Variants in BAIAP3 observed in about 807,000 individuals in gnomAD.
BAIAP3 encodes the protein BAI1 associated protein 3.
In BAIAP3, 180 loss-of-function variants were observed where a neutral mutation model predicts 149.7. The ratio of observed to expected loss-of-function variants is 1.20; its 90% CI spans 1.07 to 1.36. The LOEUF (loss-of-function observed/expected upper bound fraction) is 1.36. Ranked by LOEUF, BAIAP3 falls within the 40% of genes most tolerant of loss-of-function variation. BAIAP3 has a pLI of 0.00. For missense variants in BAIAP3, 1,767 were observed against 1,563.4 expected, an observed-to-expected ratio of 1.13 and a Z score of -2.20; for synonymous variants, 845 against 670.7, an observed-to-expected ratio of 1.26 and a Z score of -4.02.
In BAIAP3 at chr16:1,345,780, A is replaced by G. The variant is rs767705743; in HGVS notation, c.2098A>G (p.Ser700Gly). Reference protein sequence around the residue: ...EPVDASSRHSSSAATAGLCLS... With the variant: ...EPVDASSRHSGSAATAGLCLS... ...CGTGGACGCCTCCTCCAGGCACAGC[A>G]GCTCCGCAGCCACTGCTGGTCTCTG... Residue 700 changes from serine to glycine, a missense_variant, in exon 23 of 34, where the codon AGC (serine) becomes GGC (glycine). By Grantham distance (56) the Ser-to-Gly change is moderately conservative. Coordinates refer to ENST00000426824, the MANE Select transcript of BAIAP3 (RefSeq NM_001199097.2). 5 of 1,556,078 alleles carry G rather than the reference A, an allele frequency of 3.2e-6. No individual in the cohort carries two copies. Among genetic ancestry groups the G allele is most frequent in the Non-Finnish European group, 3.5e-6 (4 of 1,158,036 alleles).
rs1280641673 is a variant in BAIAP3, at chr16:1,344,104, C to A, written c.1469C>A (p.Ala490Asp). 4 of 1,611,932 alleles carry A rather than the reference C, an allele frequency of 2.5e-6. No individual in the cohort carries two copies. Among genetic ancestry groups the A allele is most frequent in the Non-Finnish European group, 3.4e-6 (4 of 1,179,878 alleles). ...LLRQLRDYFP[A>D]TNSTAVHRLE... ...CGCCAGCTCCGAGACTACTTCCCTGCCACCAACAGCACCGCTGTCCACCGC... is the reference window on the plus strand; with the variant it reads ...CGCCAGCTCCGAGACTACTTCCCTGACACCAACAGCACCGCTGTCCACCGC... The change falls in exon 16 of 34, where the codon GCC becomes GAC. Residue 490 changes from alanine to aspartate, a missense_variant. Ala to Asp is a moderately radical substitution (Grantham distance 126, BLOSUM62 -2). Transcript: ENST00000426824.
chr16:1,342,101 C>T lies in BAIAP3; in HGVS notation c.854+38C>T, dbSNP rs1225115600. On this transcript the variant is annotated intron_variant, in intron 10 of 33. Transcript: ENST00000426824. Reference sequence around the variant, plus strand: ...GGACCTTTCTACCCATCACCCGTGCCCTCAGCTTGGTCATGGGGCCCGGCG... The same window carrying T: ...GGACCTTTCTACCCATCACCCGTGCTCTCAGCTTGGTCATGGGGCCCGGCG... The T allele has an allele frequency of 2.5e-6, 4 of 1,573,782 alleles. No individual in the cohort carries two copies. The Admixed American group carries it at 5.3e-5, about 21-fold the overall frequency.
rs377022119 is a variant in BAIAP3, at chr16:1,338,490, G to A, written c.-10-50G>A. ...CACCCCCCCGCCTGCTGTGGTGCAC[G>A]GAGGGTTGAGTGGACGACCTGAGGC... On this transcript the variant is annotated intron_variant, in intron 1 of 33. Coordinates refer to ENST00000426824, the MANE Select transcript of BAIAP3 (RefSeq NM_001199097.2). 2.3e-5 allele frequency: 33 copies of A among 1,420,144 alleles called. No homozygotes were observed. In the African/African-American group the frequency reaches 2.6e-4, roughly 11 times the overall value. 88.0% of individuals were successfully genotyped at this position (1,420,144 alleles called of 1,614,324 possible). A position where few individuals can be genotyped will look rare whatever the true frequency, so the allele number is the denominator to read the frequency against.
At chr16:1,343,655 G>C (rs1201636552) in intron 15 of BAIAP3, 142 bp downstream of exon 15, 1 of 1,334,776 alleles carries the variant, frequency 7.5e-7, no homozygotes, top group Non-Finnish European at 1.0e-6. Flanking sequence ...ACGTGGGCGA[G>C]AGCCAGCGCT....
chr16:1,340,311 ATGCC>A (rs2033826211), intron 5 of BAIAP3, among the ~76,000 whole-genome samples: 2 of 144,992 alleles, frequency 1.4e-5, no homozygotes. Flanking sequence ...GTGCGCACAG[ATGCC>A]CAGGCACACA....
At position 1,348,591 on chromosome 16, in the gene BAIAP3, G is replaced by C; in HGVS notation, c.*109G>C. 1 of 1,072,244 alleles carries C rather than the reference G, an allele frequency of 9.3e-7. No homozygotes were observed. The highest frequency in any genetic ancestry group is 1.4e-5 in the South Asian group (1 of 69,158). The allele number at this position is 1,072,244 out of a possible 1,614,324, so 66.4% of individuals were successfully genotyped here. On this transcript the variant is annotated 3_prime_UTR_variant, in exon 34 of 34. Transcript: ENST00000426824. ...AACCAGGGCCCACGGCGCCCCTCCT[G>C]TGCTGTGACGTGTGTGTCGTGGCTG...
intron 5 of BAIAP3, among the ~76,000 whole-genome samples, chr16:1,340,678 G>A (rs2033867490): frequency 6.6e-6 from 1 of 152,232 alleles, no homozygotes; most frequent in South Asian, 2.1e-4. Flanking sequence ...GAACTCCCCT[G>A]TCCTCCCGTG....
intron 1 of BAIAP3, chr16:1,334,728 G>T (rs1206574855): frequency 6.4e-7 from 1 of 1,553,910 alleles, no homozygotes. Flanking sequence ...CACCGCCATC[G>T]GCTTCGCAGG....
chr16:1,344,486 G>A lies in BAIAP3; in HGVS notation c.1620G>A (p.Trp540Ter). The A allele has an allele frequency of 5.6e-6, 9 of 1,613,340 alleles. No individual in the cohort carries two copies. Among genetic ancestry groups the A allele is most frequent in the Non-Finnish European group, 7.6e-6 (9 of 1,179,928 alleles). ...TGTTGCAGAGAGGCAACCGTGAGTG[G>A]TACGACAGGATCCTGAATGACAAGA... ...AAALKRGNRE[W>*]YDRILNDKSP... The change falls in exon 18 of 34, where the codon TGG becomes TGA. Residue 540 changes from tryptophan (W) to a stop codon, truncating the protein, a stop_gained. Transcript: ENST00000426824. LOFTEE classifies it high-confidence loss of function.
At chr16:1,335,994 G>A (rs1249347069) in intron 1 of BAIAP3, among the ~76,000 whole-genome samples, 1 of 152,218 alleles carries the variant, frequency 6.6e-6, no homozygotes, top group African/African-American at 2.4e-5. Flanking sequence ...AATGTGGAGA[G>A]GAAAATGCAG....
Position 1,347,721 on chromosome 16 carries a change from G to A in BAIAP3, c.2925G>A (p.Arg975=), listed in dbSNP as rs2034476319. 6.2e-7 allele frequency: 1 copy of A among 1,610,496 alleles called. No individual in the cohort carries two copies. The highest frequency in any genetic ancestry group is 1.7e-5 in the Admixed American group (1 of 59,950). Residue 975 remains arginine (R), a synonymous_variant, in exon 31 of 34, where the codon CGG becomes CGA. Coordinates refer to ENST00000426824, the MANE Select transcript of BAIAP3 (RefSeq NM_001199097.2). ...KLKQRTLEQN[R]FGRLSVRCHY... ...CGCAGAGGACCCTGGAGCAGAACCG[G>A]TTTGGACGCCTGAGCGTCCGTTGCC...
chr16:1,341,764 C>A, intron 8 of BAIAP3, 58 bp from the exon 9 acceptor site: 2 of 1,572,576 alleles, frequency 1.3e-6, no homozygotes, highest in Admixed American at 1.8e-5. Flanking sequence ...ACTCCCTGAC[C>A]CCGGCCTGGG....
Position 1,346,019 on chromosome 16 carries a change from C to T in BAIAP3, c.2242C>T (p.Leu748=), listed in dbSNP as rs140206638. Residue 748 remains leucine, a synonymous_variant, in exon 24 of 34, where the codon CTG becomes TTG. Transcript: ENST00000426824. The part of the protein sequence containing the change: ...VCEATLFYTE[L]LRKKVDTQPG... ...TGAGGCCACCCTCTTCTATACGGAGCTGCTTCGGAAGAAGGTGGACACTCA... is the reference window on the plus strand; with the variant it reads ...TGAGGCCACCCTCTTCTATACGGAGTTGCTTCGGAAGAAGGTGGACACTCA... 517 of 1,611,194 alleles carry T rather than the reference C, an allele frequency of 3.2e-4. No individual in the cohort carries two copies. Among genetic ancestry groups the T allele is most frequent in the Non-Finnish European group, 4.0e-4 (467 of 1,179,388 alleles).
At chr16:1,334,911 C>T (rs2033361504) in intron 1 of BAIAP3, among the ~76,000 whole-genome samples, 1 of 152,056 alleles carries the variant, frequency 6.6e-6, no homozygotes, top group Admixed American at 6.5e-5. Context: ...ACCTCCCGCC[C>T]CAGGCACACA....
In BAIAP3 at chr16:1,345,138, G is replaced by C. The variant is rs150678297; in HGVS notation, c.1940+39G>C. The stretch of plus-strand genomic sequence containing the variant: ...CCCTATCTCTTGCAGACAGACTTTG[G>C]GACCAGGGCCCCAGGACCTGTGAGG... On this transcript the variant is annotated intron_variant, in intron 21 of 33. Transcript: ENST00000426824. 215 of 1,611,858 alleles carry C rather than the reference G, an allele frequency of 1.3e-4. 1 individual carries two copies. The African/African-American group carries it at 2.4e-3, about 18-fold the overall frequency.
In BAIAP3 at chr16:1,343,119, G is replaced by A. The variant is rs1201098299; in HGVS notation, c.1265+103G>A. 8 of 1,210,374 alleles carry A rather than the reference G, an allele frequency of 6.6e-6. No individual in the cohort carries two copies. In the African/African-American group the frequency reaches 8.9e-5, roughly 14 times the overall value. 75.0% of individuals were successfully genotyped at this position (1,210,374 alleles called of 1,614,324 possible). A position where few individuals can be genotyped will look rare whatever the true frequency, so the allele number is the denominator to read the frequency against. Reference sequence around the variant, plus strand: ...GTGGATGTCGTGGCTGGGAGGGTGGGGCAGGGAAAGGGGCGGTGCTGAGTA... The same window carrying A: ...GTGGATGTCGTGGCTGGGAGGGTGGAGCAGGGAAAGGGGCGGTGCTGAGTA... On this transcript the variant is annotated intron_variant, in intron 14 of 33. Coordinates refer to ENST00000426824, the MANE Select transcript of BAIAP3 (RefSeq NM_001199097.2).
At position 1,348,112 on chromosome 16, in the gene BAIAP3, G is replaced by A. The variant is rs753430035; in HGVS notation, c.3166G>A (p.Ala1056Thr). Residue 1056 changes from alanine (A) to threonine (T), a missense_variant, in exon 33 of 34, where the codon GCG (alanine) becomes ACG (threonine). Coordinates refer to ENST00000426824, the MANE Select transcript of BAIAP3 (RefSeq NM_001199097.2). Reference sequence around the variant, plus strand: ...TGTCCGCAGTTCCGTGCCTGCCGAGGCGTGCCGCCGCCGCGCGGCCTGTGT... The same window carrying A: ...TGTCCGCAGTTCCGTGCCTGCCGAGACGTGCCGCCGCCGCGCGGCCTGTGT... ...ELFYFSVPAEACRRRAACVLF... is the reference protein window; with the variant it reads ...ELFYFSVPAETCRRRAACVLF... 15 of 1,603,490 alleles carry A rather than the reference G, an allele frequency of 9.4e-6. No homozygotes were observed. The East Asian group carries it at 1.6e-4, about 17-fold the overall frequency.
intron 1 of BAIAP3, chr16:1,334,396 A>C: frequency 1.2e-5 from 6 of 500,176 alleles, no homozygotes; most frequent in East Asian, 3.4e-5. Context: ...AGACCCCCAT[A>C]GAACTGGGGG....
At position 1,342,606 on chromosome 16, in the gene BAIAP3, A is replaced by T. The variant is rs1226176921; in HGVS notation, c.1037A>T (p.His346Leu). The T allele has an allele frequency of 6.4e-7, 1 of 1,574,050 alleles. No homozygotes were observed. The highest frequency in any genetic ancestry group is 1.2e-5 in the South Asian group (1 of 86,516). ...SSASRVQGHC[H>L]LVLKLITTQR... ...GCCTCGCGTGTGCAGGGACACTGCCACCTGGTTCTCAAGCTGATCACTACG... is the reference window on the plus strand; with the variant it reads ...GCCTCGCGTGTGCAGGGACACTGCCTCCTGGTTCTCAAGCTGATCACTACG... Residue 346 changes from histidine to leucine, a missense_variant, in exon 12 of 34, where the codon CAC becomes CTC. By Grantham distance (99) the His-to-Leu change is moderately conservative. Transcript: ENST00000426824.
Sources: gnomAD v4.1 joint callset for allele counts (sites outside exome capture counted in the v4.1 genomes callset) on GRCh38, gnomAD v4.1.1 for gene constraint, MANE v1.5 for transcripts, NCBI Gene and HGNC (gene_info 2026-07-23, HGNC 2026-07-21) for gene names.